Variants in FCRL2 observed in about 807,000 individuals in gnomAD.
FCRL2 encodes Fc receptor like 2, also known as Fc receptor-like protein 2.
In FCRL2, 48 loss-of-function variants were observed where a neutral mutation model predicts 59.8. The observed-to-expected ratio is 0.80, with a 90% CI of 0.64 to 1.02. The LOEUF is 1.02. Ranked by LOEUF, FCRL2 falls within the 50% of genes least tolerant of loss-of-function variation. The probability of loss-of-function intolerance (pLI) is 0.00; values close to 1 mark genes in which losing one functional copy is unlikely to be tolerated. For synonymous variants in FCRL2, 251 were observed against 229.5 expected (o/e 1.09, Z -0.85); for missense variants, 658 against 597.3 (o/e 1.10, Z -1.06).
chr1:157,758,856 T>G (rs1351551648), intron 7 of FCRL2, among the ~76,000 whole-genome samples: 1 of 152,200 alleles, frequency 6.6e-6, no homozygotes, highest in Non-Finnish European at 1.5e-5. Context: ...TAAATGCTGA[T>G]GGGATAACTG....
At chr1:157,766,516 A>C in intron 7 of FCRL2, 1 of 305,820 alleles carries the variant, frequency 3.3e-6, no homozygotes. Context: ...CTAGCTCCTT[A>C]CTACATTTTG....
chr1:157,754,903 T>G (rs1201729819), intron 7 of FCRL2, among the ~76,000 whole-genome samples: 1 of 151,654 alleles, frequency 6.6e-6, no homozygotes, highest in East Asian at 1.9e-4. Flanking sequence ...CAGGTTAAGG[T>G]TGCAGTGATC....
rs571136101 is a variant in FCRL2 at position 157,770,415 on chromosome 1, C to CTTT, written c.301_303dup (p.Lys101dup). The CTTT allele has an allele frequency of 8.9e-5, 143 of 1,613,160 alleles. No homozygotes were observed. The Admixed American group carries it at 9.7e-4, about 11-fold the overall frequency. ...ACAGAAGTCAGGGTTTTACCTTGGA[C>CTTT]TTTTATCTTTACTATATTTGAAGTT... On this transcript the variant is annotated inframe_insertion, in exon 3 of 12. Coordinates refer to ENST00000361516, the MANE Select transcript of FCRL2 (RefSeq NM_030764.4).
In FCRL2 at chr1:157,748,631, G is replaced by T. The variant is rs1647944743; in HGVS notation, c.1394-13C>A. 6.2e-7 allele frequency: 1 copy of T among 1,612,714 alleles called. No homozygotes were observed. Among genetic ancestry groups the T allele is most frequent in the African/African-American group, 1.3e-5 (1 of 74,992 alleles). ...TCTACAGAGCCCACTGCAGGGAGAA[G>T]ACAAGAGTTCACAGATGTTGGTGGC... On this transcript the variant is annotated splice_polypyrimidine_tract_variant and intron_variant, in intron 9 of 11. Transcript: ENST00000361516.
In FCRL2 at chr1:157,770,059, T is replaced by C. The variant is rs762851292; in HGVS notation, c.402A>G (p.Pro134=). 1 of 1,614,152 alleles carries C rather than the reference T, an allele frequency of 6.2e-7. No individual in the cohort carries two copies. The highest frequency in any genetic ancestry group is 1.1e-5 in the South Asian group (1 of 91,084). The change falls in exon 4 of 12, where the codon CCA becomes CCG. Residue 134 remains proline (P), a synonymous_variant. Transcript: ENST00000361516. ...ACTGGAGTTGAACATCCAACCTCTG[T>C]GGAGAGAGCCGGGTCTCACATTTCA... ...VSLKCETRLS[P]QRLDVQLQFC...
At chr1:157,757,896 A>G (rs1039582118) in intron 7 of FCRL2, among the ~76,000 whole-genome samples, 2 of 152,188 alleles carry the variant, frequency 1.3e-5, no homozygotes, top group South Asian at 4.1e-4. Context: ...CAGGAGGCAG[A>G]GCTTGCAGTG....
chr1:157,746,881 A>T lies in FCRL2; in HGVS notation c.1478T>A (p.Leu493Gln). 2 of 1,614,018 alleles carry T rather than the reference A, an allele frequency of 1.2e-6. No individual in the cohort carries two copies. Among genetic ancestry groups the T allele is most frequent in the Non-Finnish European group, 1.7e-6 (2 of 1,180,022 alleles). Reference sequence around the variant, plus strand: ...AGGTGTCTAGCTCACCTTGTTCTCCAGAAGTGTCCTGATGTTTGCTGTTAA... The same window carrying T: ...AGGTGTCTAGCTCACCTTGTTCTCCTGAAGTGTCCTGATGTTTGCTGTTAA... ...PESSANIRTL[L>Q]ENKDSQVIYS... is the part of the protein sequence containing the mutation. The change falls in exon 11 of 12, where the codon CTG (leucine) becomes CAG (glutamine). Residue 493 changes from leucine (L) to glutamine (Q), a missense_variant. Physicochemically the swap from Leu to Gln is moderately radical, Grantham distance 113 (BLOSUM62 -2). Coordinates refer to ENST00000361516, the MANE Select transcript of FCRL2 (RefSeq NM_030764.4).
chr1:157,749,020 G>A (rs1270841781), intron 8 of FCRL2, 60 bp from the exon 9 acceptor site: 2 of 1,427,888 alleles, frequency 1.4e-6, no homozygotes, highest in South Asian at 1.2e-5. Flanking sequence ...GAACAGAGGG[G>A]AGACTGGCTG....
In FCRL2 at chr1:157,768,496, CTCTT is replaced by C; in HGVS notation, c.797_800del (p.Lys266ArgfsTer23). On this transcript the variant is annotated frameshift_variant, in exon 5 of 12. Coordinates refer to ENST00000361516, the MANE Select transcript of FCRL2 (RefSeq NM_030764.4). LOFTEE classifies it high-confidence loss of function. ...TACAGTAATATTTGCCGGCATCACT[CTCTT>C]TCACAGCTGGGATCTCCAGCTCTGC... 6.2e-7 allele frequency: 1 copy of C among 1,614,252 alleles called. No individual in the cohort carries two copies. Among genetic ancestry groups the C allele is most frequent in the Non-Finnish European group, 8.5e-7 (1 of 1,180,048 alleles).
At chr1:157,757,858 A>T (rs185528123) in intron 7 of FCRL2, among the ~76,000 whole-genome samples, 1 of 152,174 alleles carries the variant, frequency 6.6e-6, no homozygotes, top group African/African-American at 2.4e-5. Flanking sequence ...GCTACTGGGG[A>T]GGATGAGGCA....
rs139975936 is a variant in FCRL2, at chr1:157,767,241, G to T, written c.1152C>A (p.Val384=). The T allele has an allele frequency of 2.1e-4, 345 of 1,612,564 alleles. 1 individual carries two copies. The South Asian group carries it at 3.4e-3, about 16-fold the overall frequency. Residue 384 remains valine (V), a synonymous_variant, in exon 6 of 12, where the codon GTC becomes GTA. Transcript: ENST00000361516. ...LGAQCSEAVP[V]SISGPDGYRR... is the part of the protein sequence containing the mutation. Reference sequence around the variant, plus strand: ...GTAACACCCACCCACCTGAGATGGAGACTGGCACTGCCTCACTGCACTGGG... The same window carrying T: ...GTAACACCCACCCACCTGAGATGGATACTGGCACTGCCTCACTGCACTGGG...
At chr1:157,776,615 C>T (rs867474616) in intron 1 of FCRL2, among the ~76,000 whole-genome samples, 8 of 152,040 alleles carry the variant, frequency 5.3e-5, no homozygotes, top group South Asian at 2.1e-4. Flanking sequence ...TCATTGTCCA[C>T]GATTAAACAG....
intron 7 of FCRL2, among the ~76,000 whole-genome samples, chr1:157,755,300 TAAATC>T (rs1648501518): frequency 6.6e-6 from 1 of 151,852 alleles, no homozygotes; most frequent in African/African-American, 2.4e-5. Flanking sequence ...AACAGAAACA[TAAATC>T]AAAACTACAG....
At chr1:157,751,241 C>T (rs1447221273) in intron 7 of FCRL2, among the ~76,000 whole-genome samples, 1 of 152,310 alleles carries the variant, frequency 6.6e-6, no homozygotes, top group East Asian at 1.9e-4. Context: ...GATAGAGGCA[C>T]TATCTTTCTA....
At chr1:157,774,561 T>C (rs993939149) in intron 2 of FCRL2, 2 of 437,892 alleles carry the variant, frequency 4.6e-6, no homozygotes, top group African/African-American at 4.0e-5. Context: ...CCCTGTTCTC[T>C]GAATGGTCGT....
intron 8 of FCRL2, 91 bp downstream of exon 8, chr1:157,749,559 A>T (rs1272800984): frequency 1.2e-6 from 1 of 843,816 alleles, no homozygotes; most frequent in Admixed American, 2.2e-5. Context: ...ACATAGCTTC[A>T]GTCTCAACGT....
chr1:157,748,860 A>C lies in FCRL2; in HGVS notation c.1393+15T>G. The C allele has an allele frequency of 1.2e-6, 2 of 1,611,088 alleles. No individual in the cohort carries two copies. Among genetic ancestry groups the C allele is most frequent in the Non-Finnish European group, 1.7e-6 (2 of 1,177,950 alleles). On this transcript the variant is annotated intron_variant, in intron 9 of 11. Coordinates refer to ENST00000361516, the MANE Select transcript of FCRL2 (RefSeq NM_030764.4). ...CTGACTCAGCCTCAGAGCCCTTCCC[A>C]GTGGAGACACTCACCATTGACATAC...
intron 10 of FCRL2, among the ~76,000 whole-genome samples, chr1:157,748,199 A>G (rs1276286676): frequency 6.6e-6 from 1 of 152,084 alleles, no homozygotes; most frequent in Non-Finnish European, 1.5e-5. Flanking sequence ...CGGGTGGATC[A>G]CTTGAGGTCA....
rs762130309 is a variant in FCRL2 at position 157,768,617 on chromosome 1, G to A, written c.680C>T (p.Ser227Leu). The change falls in exon 5 of 12, where the codon TCA (serine) becomes TTA (leucine). Residue 227 changes from serine (S) to leucine (L), a missense_variant. Coordinates refer to ENST00000361516, the MANE Select transcript of FCRL2 (RefSeq NM_030764.4). The part of the protein sequence containing the change: ...TEGQKLILLC[S>L]VAGGTGNVTF... Reference sequence around the variant, plus strand: ...GACATTTCCTGTACCCCCAGCCACTGAGCAGAGCAGGATCAGTTTTTGTCC... The same window carrying A: ...GACATTTCCTGTACCCCCAGCCACTAAGCAGAGCAGGATCAGTTTTTGTCC... 57 of 1,614,092 alleles carry A rather than the reference G, an allele frequency of 3.5e-5. No homozygotes were observed. Among genetic ancestry groups the A allele is most frequent in the Non-Finnish European group, 3.1e-5 (36 of 1,180,048 alleles).
Sources: allele counts gnomAD v4.1 joint callset (sites outside exome capture counted in the v4.1 genomes callset), GRCh38; gene constraint gnomAD v4.1.1; transcripts MANE v1.5; gene names NCBI Gene and HGNC (gene_info 2026-07-23, HGNC 2026-07-21).